Variants in SLCO2B1 observed in about 807,000 individuals in gnomAD.
SLCO2B1 encodes the protein OATP-RP2.
A neutral mutation model predicts 67.3 loss-of-function variants in SLCO2B1; 41 were observed. The ratio of observed to expected loss-of-function variants is 0.61; its 90% CI spans 0.47 to 0.79. The LOEUF (loss-of-function observed/expected upper bound fraction) is 0.79, where lower values mean the gene tolerates loss of function less well. SLCO2B1 is among the 30% of genes least tolerant of loss of function. The pLI is 0.00. For synonymous variants in SLCO2B1, 379 were observed against 381.4 expected (o/e 0.99, Z 0.07); for missense variants, 837 against 920.1 (o/e 0.91, Z 1.17).
At position 75,169,649 on chromosome 11, in the gene SLCO2B1, C is replaced by T; in HGVS notation, c.683-17C>T. Reference sequence around the variant, plus strand: ...AAGCCAGGGCCAGAGGATCCTAACTCAGGCTTTGTGTTGTAGGGATCCTGT... The same window carrying T: ...AAGCCAGGGCCAGAGGATCCTAACTTAGGCTTTGTGTTGTAGGGATCCTGT... On this transcript the variant is annotated splice_polypyrimidine_tract_variant and intron_variant, in intron 5 of 13. Transcript: ENST00000289575. The T allele has an allele frequency of 6.3e-7, 1 of 1,597,762 alleles. No homozygotes were observed. Among genetic ancestry groups the T allele is most frequent in the East Asian group, 2.2e-5 (1 of 44,658 alleles).
chr11:75,184,492 G>GCAAA (rs1950126964), intron 7 of SLCO2B1, among the ~76,000 whole-genome samples: 1 of 152,206 alleles, frequency 6.6e-6, no homozygotes, highest in African/African-American at 2.4e-5. Flanking sequence ...CCAAGGTGAA[G>GCAAA]CAAAGGTCCT....
intron 8 of SLCO2B1, among the ~76,000 whole-genome samples, chr11:75,190,804 A>G (rs1038672252): frequency 6.6e-6 from 1 of 152,058 alleles, no homozygotes; most frequent in African/African-American, 2.4e-5. Context: ...CTCCTGGCTG[A>G]TGAGGAAGAC....
chr11:75,197,971 G>T (rs939875572), intron 10 of SLCO2B1, among the ~76,000 whole-genome samples: 9 of 152,178 alleles, frequency 5.9e-5, no homozygotes, highest in African/African-American at 2.2e-4. Context: ...GGATTTGTGG[G>T]GGCAGCAGCA....
At chr11:75,171,556 C>T (rs1337346496) in intron 6 of SLCO2B1, among the ~76,000 whole-genome samples, 1 of 152,204 alleles carries the variant, frequency 6.6e-6, no homozygotes, top group African/African-American at 2.4e-5. Context: ...CTGCACCCAG[C>T]TCATTTGTAT....
At chr11:75,160,791 A>G (rs983818020) in intron 1 of SLCO2B1, among the ~76,000 whole-genome samples, 1 of 152,228 alleles carries the variant, frequency 6.6e-6, no homozygotes, top group Admixed American at 6.5e-5. Flanking sequence ...ACATTTCTCC[A>G]AAGCAAGATA....
chr11:75,196,497 G>A lies in SLCO2B1; in HGVS notation c.1434-17G>A, dbSNP rs1358631192. On this transcript the variant is annotated splice_polypyrimidine_tract_variant and intron_variant, in intron 9 of 13. Transcript: ENST00000289575. ...GAGGGAAGCCAGGCCAACCCTACTG[G>A]TCTTCTCTCCCACCAGTGCCCACCC... 1 of 1,610,908 alleles carries A rather than the reference G, an allele frequency of 6.2e-7. No individual in the cohort carries two copies.
chr11:75,159,895 C>A, intron 1 of SLCO2B1: 1 of 984,870 alleles, frequency 1.0e-6, no homozygotes, highest in Non-Finnish European at 1.2e-6. Context: ...TGGGAGATCA[C>A]CTGAGGCAGG....
At chr11:75,179,251 A>G in intron 7 of SLCO2B1, among the ~76,000 whole-genome samples, 1 of 99,592 alleles carries the variant, frequency 1.0e-5, no homozygotes, top group Non-Finnish European at 1.8e-5. Context: ...TTTTTGAGAC[A>G]GAGTCTCTCT....
In SLCO2B1 at chr11:75,185,501, CTTTTTT is replaced by C. The variant is rs11381669; in HGVS notation, c.973-2619_973-2614del. Reference sequence around the variant, plus strand: ...TGCTGTCCCCATTGGGTATAAGTCTCTTTTTTTTTTTTTTTTTTTTTGTGAAACAGG... The same window carrying C: ...TGCTGTCCCCATTGGGTATAAGTCTCTTTTTTTTTTTTTTTGTGAAACAGG... On this transcript the variant is annotated intron_variant, in intron 7 of 13. Transcript: ENST00000289575. Among the ~76,000 whole-genome samples the C allele has an allele frequency of 3.5e-4, 37 of 106,180 alleles. 2 individuals are homozygous for C. In the East Asian group the frequency reaches 8.4e-3, roughly 24 times the overall value. The allele number at this position is 106,180 out of a possible 152,430, so 69.7% of individuals were successfully genotyped here.
intron 11 of SLCO2B1, 115 bp downstream of exon 11, chr11:75,200,502 C>T: frequency 9.4e-7 from 1 of 1,061,776 alleles, no homozygotes; most frequent in Non-Finnish European, 1.3e-6. Flanking sequence ...GTGTCCTGGC[C>T]CCCACAATAT....
At chr11:75,176,813 C>A (rs538539559) in intron 7 of SLCO2B1, among the ~76,000 whole-genome samples, 1 of 152,332 alleles carries the variant, frequency 6.6e-6, no homozygotes, top group Admixed American at 6.5e-5. Context: ...CTGAGGTGCG[C>A]AGGCCTCCTA....
rs750183458 is a variant in SLCO2B1 at position 75,193,332 on chromosome 11, T to A, written c.1190T>A (p.Phe397Tyr). Reference protein sequence around the residue: ...AAGMATFLPKFLERQFSITAS... With the variant: ...AAGMATFLPKYLERQFSITAS... ...GGCATGGCCACCTTCCTGCCCAAGT[T>A]CCTGGAGCGCCAGTTTTCCATCACA... The change falls in exon 9 of 14, where the codon TTC becomes TAC. Residue 397 changes from phenylalanine to tyrosine, a missense_variant. By Grantham distance (22) the Phe-to-Tyr change is conservative. Coordinates refer to ENST00000289575, the MANE Select transcript of SLCO2B1 (RefSeq NM_007256.5). This position sits in a 1 kb window ranked among gnomAD's most constrained non-coding sequence, Gnocchi z 4.2. The A allele has an allele frequency of 6.2e-7, 1 of 1,614,138 alleles. No homozygotes were observed. The highest frequency in any genetic ancestry group is 1.1e-5 in the South Asian group (1 of 91,080).
chr11:75,203,097 A>G, intron 12 of SLCO2B1, 132 bp downstream of exon 12: 2 of 1,145,816 alleles, frequency 1.7e-6, no homozygotes, highest in Non-Finnish European at 1.3e-6. Flanking sequence ...GGGGTGACAG[A>G]CCTGGCCCAG....
rs78033875 is a variant in SLCO2B1 at position 75,199,993 on chromosome 11, C to T, written c.1600-231C>T. 1,482 of 521,696 alleles carry T rather than the reference C, an allele frequency of 2.8e-3. 20 individuals are homozygous for T. The highest frequency in any genetic ancestry group is 0.026 in the African/African-American group (1,334 of 51,578). The allele number at this position is 521,696 out of a possible 1,614,324, so 32.3% of individuals were successfully genotyped here. A position where few individuals can be genotyped will look rare whatever the true frequency, so the allele number is the denominator to read the frequency against. On this transcript the variant is annotated intron_variant, in intron 10 of 13. Transcript: ENST00000289575. ...TCTACTTTCTCTCTGCTTCCCTCTC[C>T]CTGCCCACCACCTCAGCCCAGGCTC...
intron 2 of SLCO2B1, among the ~76,000 whole-genome samples, chr11:75,163,202 C>G (rs1047444153): frequency 6.6e-6 from 1 of 152,206 alleles, no homozygotes; most frequent in Admixed American, 6.5e-5. Context: ...CACACGTGAT[C>G]TTATTTAGTT....
In SLCO2B1 at chr11:75,162,663, G is replaced by A; in HGVS notation, c.25G>A (p.Gly9Ser). 2 of 1,613,344 alleles carry A rather than the reference G, an allele frequency of 1.2e-6. 1 individual carries two copies. The highest frequency in any genetic ancestry group is 2.2e-5 in the South Asian group (2 of 90,964). ...GGTTTTCTGTCCCTCAGGGCCAGCG[G>A]GTGAGGTACCCCAGGTACCAGACAA... MGPRIGPA[G>S]EVPQVPDKET... The change falls in exon 2 of 14, where the codon GGT becomes AGT. Residue 9 changes from glycine (G) to serine (S), a missense_variant. Gly to Ser is a moderately conservative substitution (Grantham distance 56). Coordinates refer to ENST00000289575, the MANE Select transcript of SLCO2B1 (RefSeq NM_007256.5).
intron 7 of SLCO2B1, among the ~76,000 whole-genome samples, chr11:75,182,335 T>C (rs965545927): frequency 2.0e-5 from 3 of 152,180 alleles, no homozygotes; most frequent in Non-Finnish European, 4.4e-5. Context: ...CCAATAACTG[T>C]CTGGGTGACA....
intron 6 of SLCO2B1, chr11:75,169,997 C>T: frequency 1.9e-6 from 1 of 516,116 alleles, no homozygotes; most frequent in South Asian, 2.4e-5. Flanking sequence ...CTGTAAAGTG[C>T]CATCAAATTA....
intron 7 of SLCO2B1, among the ~76,000 whole-genome samples, chr11:75,175,079 T>G (rs1368885876): frequency 6.6e-6 from 1 of 152,204 alleles, no homozygotes; most frequent in Non-Finnish European, 1.5e-5. Flanking sequence ...GCTCCCCAGC[T>G]GTGAACCTGT....
Sources: gnomAD v4.1 joint callset for allele counts (sites outside exome capture counted in the v4.1 genomes callset) on GRCh38, gnomAD v4.1.1 for gene constraint, Gnocchi (gnomAD v3.1) non-coding constraint, MANE v1.5 for transcripts, NCBI Gene and HGNC (gene_info 2026-07-23, HGNC 2026-07-21) for gene names.